ARHGAP6: variants seen among roughly 807,000 people sequenced by gnomAD.
ARHGAP6 encodes rho GTPase-activating protein 6.
ARHGAP6 carries 16 observed loss-of-function variants against 55.7 expected under a neutral mutation model. That is an observed-to-expected ratio of 0.29 (90% CI 0.19 to 0.44). ARHGAP6 has a LOEUF of 0.44. Among genes scored for constraint, ARHGAP6 ranks in the 20% least tolerant of loss-of-function variants. ARHGAP6 has a pLI of 1.00. For synonymous variants in ARHGAP6, 382 were observed against 360.9 expected, an observed-to-expected ratio of 1.06 and a Z score of -0.66; for missense variants, 698 against 808.9, an observed-to-expected ratio of 0.86 and a Z score of 1.66.
intron 12 of ARHGAP6, among the ~76,000 whole-genome samples, chrX:11,139,958 A>G (rs968886301): frequency 8.1e-5 from 9 of 111,735 alleles, no homozygotes; most frequent in Non-Finnish European, 5.6e-5. Context: ...TATTGCATCA[A>G]TGAAGTTACT....
At chrX:11,354,076 A>G (rs2048895585) in intron 1 of ARHGAP6, among the ~76,000 whole-genome samples, 1 of 110,056 alleles carries the variant, frequency 9.1e-6, no homozygotes, top group Non-Finnish European at 1.9e-5. Context: ...GTGACATGGT[A>G]GTACAGCAGT....
chrX:11,342,806 T>C (rs2048723803), intron 1 of ARHGAP6, among the ~76,000 whole-genome samples: 1 of 112,612 alleles, frequency 8.9e-6, no homozygotes, highest in African/African-American at 3.2e-5. Flanking sequence ...TCTTCACAAA[T>C]GTGTACACTT....
chrX:11,365,735 T>G (rs1221542103), intron 1 of ARHGAP6, among the ~76,000 whole-genome samples: 1 of 112,456 alleles, frequency 8.9e-6, no homozygotes, highest in African/African-American at 3.2e-5. Context: ...GGTATTGGGG[T>G]TCCAATTCCT....
intron 1 of ARHGAP6, among the ~76,000 whole-genome samples, chrX:11,624,050 A>G (rs2052264717): frequency 8.9e-6 from 1 of 111,732 alleles, no homozygotes; most frequent in Non-Finnish European, 1.9e-5. Flanking sequence ...GGAACAAAAT[A>G]GAGAGCCCTG....
At position 11,254,716 on chromosome X, in the gene ARHGAP6, CAAAAAAAAAAA is replaced by C; in HGVS notation, c.589-20_589-10del. 1.2e-6 allele frequency: 1 copy of C among 867,116 alleles called. No homozygotes were observed. The highest frequency in any genetic ancestry group is 1.4e-6 in the Non-Finnish European group (1 of 710,267). The allele number at this position is 867,116 out of a possible 1,213,427, so 71.5% of individuals were successfully genotyped here. On this transcript the variant is annotated splice_polypyrimidine_tract_variant and intron_variant, in intron 1 of 12. Transcript: ENST00000337414. ...TTCCAGGTGAAATCACCCTGTAGGC[CAAAAAAAAAAA>C]AAAAAAAAAAATCAAGAGTTACAGA...
At position 11,664,226 on chromosome X, in the gene ARHGAP6, A is replaced by G. The variant is rs767393567; in HGVS notation, c.588+15T>C. ...CTCCTCCTTGGGCCGTGGGACGCGC[A>G]GCGCTGGTCCCTACCTCGGATTTCC... On this transcript the variant is annotated intron_variant, in intron 1 of 12. Transcript: ENST00000337414. 4.2e-6 allele frequency: 5 copies of G among 1,187,872 alleles called. No homozygotes were observed. The highest frequency in any genetic ancestry group is 4.5e-6 in the Non-Finnish European group (4 of 882,004).
chrX:11,339,131 G>T (rs2048673665), intron 1 of ARHGAP6, among the ~76,000 whole-genome samples: 1 of 112,186 alleles, frequency 8.9e-6, no homozygotes, highest in East Asian at 2.8e-4. Context: ...ACACCTGAAA[G>T]AATCTCAGGC....
intron 1 of ARHGAP6, among the ~76,000 whole-genome samples, chrX:11,649,100 C>G (rs1275994005): frequency 8.9e-6 from 1 of 112,201 alleles, no homozygotes; most frequent in Non-Finnish European, 1.9e-5. Flanking sequence ...GACTCTTTTT[C>G]CCTTGCCCTA....
intron 1 of ARHGAP6, among the ~76,000 whole-genome samples, chrX:11,423,763 G>A (rs2049850720): frequency 8.9e-6 from 1 of 112,239 alleles, no homozygotes; most frequent in Non-Finnish European, 1.9e-5. Flanking sequence ...CTGCCAGCGA[G>A]AGAGAAATGA....
At chrX:11,520,765 T>G (rs966647195) in intron 1 of ARHGAP6, among the ~76,000 whole-genome samples, 1 of 111,844 alleles carries the variant, frequency 8.9e-6, no homozygotes, top group Admixed American at 9.5e-5. Context: ...TGAACTAGTT[T>G]ACAGTCCCAA....
intron 10 of ARHGAP6, among the ~76,000 whole-genome samples, chrX:11,147,342 C>T (rs982082956): frequency 1.5e-4 from 17 of 112,878 alleles, no homozygotes; most frequent in African/African-American, 5.5e-4. Context: ...CAACTATATA[C>T]ACATGCATAT....
intron 1 of ARHGAP6, among the ~76,000 whole-genome samples, chrX:11,552,491 G>A (rs950080621): frequency 2.8e-4 from 26 of 92,659 alleles, no homozygotes; most frequent in African/African-American, 9.2e-4. Flanking sequence ...TAGTATTCAC[G>A]AGAGCCAAGA....
intron 1 of ARHGAP6, among the ~76,000 whole-genome samples, chrX:11,617,770 G>A (rs1052459119): frequency 4.5e-5 from 5 of 111,478 alleles, no homozygotes; most frequent in Non-Finnish European, 9.4e-5. Context: ...GGGGCTGGAA[G>A]GGGAGTTTTA....
intron 1 of ARHGAP6, among the ~76,000 whole-genome samples, chrX:11,416,383 T>C (rs902015225): frequency 3.6e-5 from 4 of 111,794 alleles, no homozygotes; most frequent in African/African-American, 6.5e-5. Flanking sequence ...GTCATAATCA[T>C]ATGGTAAAAC....
At chrX:11,573,445 C>A (rs186183784) in intron 1 of ARHGAP6, among the ~76,000 whole-genome samples, 1,139 of 110,382 alleles carry the variant, frequency 0.01, 6 homozygotes, top group Non-Finnish European at 0.017. Context: ...AATAGGGAAT[C>A]CTTTCCCCGT....
chrX:11,167,350 T>TGA (rs1409651447), intron 9 of ARHGAP6, among the ~76,000 whole-genome samples: 5 of 110,522 alleles, frequency 4.5e-5, no homozygotes, highest in African/African-American at 9.9e-5. Context: ...TGTGTGTGTG[T>TGA]GATGGAGGGT....
chrX:11,623,696 CAA>C (rs60192011), intron 1 of ARHGAP6, among the ~76,000 whole-genome samples: 11,953 of 57,339 alleles, frequency 0.21, 984 homozygotes, highest in African/African-American at 0.37. Context: ...GACTCGGTCT[CAA>C]AAAAAAAAAA....
At chrX:11,459,490 T>G (rs2050223141) in intron 1 of ARHGAP6, among the ~76,000 whole-genome samples, 1 of 110,866 alleles carries the variant, frequency 9.0e-6, no homozygotes, top group South Asian at 3.8e-4. Context: ...CTGGTGGGAG[T>G]TGGGGTTGTA....
At chrX:11,145,857 C>G (rs1378366182) in intron 10 of ARHGAP6, among the ~76,000 whole-genome samples, 1 of 112,627 alleles carries the variant, frequency 8.9e-6, no homozygotes, top group African/African-American at 3.2e-5. Context: ...AAAAGGGAAA[C>G]TCAGGGTGGG....
Sources: allele counts gnomAD v4.1 joint callset (sites outside exome capture counted in the v4.1 genomes callset), GRCh38; gene constraint gnomAD v4.1.1; transcripts MANE v1.5; gene names NCBI Gene and HGNC (gene_info 2026-07-23, HGNC 2026-07-21).